The following WDR44 variants were observed in gnomAD, a reference collection of about 807,000 sequenced individuals.
WDR44 encodes WD repeat-containing protein 44.
In WDR44, 9 loss-of-function variants were observed where a neutral mutation model predicts 65.7. The observed-to-expected ratio is 0.14, with a 90% CI of 0.08 to 0.24. The LOEUF is 0.24. Among genes scored for constraint, WDR44 ranks in the 10% least tolerant of loss-of-function variants. The pLI, the probability that WDR44 is intolerant of heterozygous loss-of-function variation, is 1.00. For synonymous variants in WDR44, 220 were observed against 235.2 expected, an observed-to-expected ratio of 0.94 and a Z score of 0.59; for missense variants, 425 against 670.9, an observed-to-expected ratio of 0.63 and a Z score of 4.05.
intron 1 of WDR44, among the ~76,000 whole-genome samples, chrX:118,349,012 T>C (rs1391133087): frequency 8.9e-6 from 1 of 111,915 alleles, no homozygotes; most frequent in Non-Finnish European, 1.9e-5. Context: ...CTAAAATTAA[T>C]TTATTTCTTG....
Position 118,443,565 on chromosome X carries a change from A to G in WDR44, c.2390A>G (p.Asp797Gly). The change falls in exon 18 of 20, where the codon GAT becomes GGT. Residue 797 changes from aspartate to glycine, a missense_variant. Physicochemically the swap from Asp to Gly is moderately conservative, Grantham distance 94. Transcript: ENST00000254029. Reference sequence around the variant, plus strand: ...CCTTTCTCCCCAAAATTCAGCCATGATTTTACTTACCTCGTTAGTGGTTCA... The same window carrying G: ...CCTTTCTCCCCAAAATTCAGCCATGGTTTTACTTACCTCGTTAGTGGTTCA... ...SSQIKASFSHDFTYLVSGSED... is the reference protein window; with the variant it reads ...SSQIKASFSHGFTYLVSGSED... The G allele has an allele frequency of 8.3e-7, 1 of 1,208,938 alleles. No homozygotes were observed. The highest frequency in any genetic ancestry group is 1.1e-6 in the Non-Finnish European group (1 of 893,856).
At chrX:118,419,218 G>C (rs1199691280) in intron 12 of WDR44, among the ~76,000 whole-genome samples, 2 of 111,518 alleles carry the variant, frequency 1.8e-5, no homozygotes, top group Non-Finnish European at 3.8e-5. Flanking sequence ...AGTTCAAATT[G>C]TTACAAAGTT....
chrX:118,414,257 C>CTTTTT (rs565805780), intron 12 of WDR44, among the ~76,000 whole-genome samples: 3 of 46,672 alleles, frequency 6.4e-5, no homozygotes, highest in Admixed American at 2.5e-4. Flanking sequence ...CTTGCGATTG[C>CTTTTT]TTTTTTTTTT....
chrX:118,422,571 A>G (rs2057114455), intron 12 of WDR44, among the ~76,000 whole-genome samples: 1 of 110,176 alleles, frequency 9.1e-6, no homozygotes, highest in Non-Finnish European at 1.9e-5. Flanking sequence ...ATGTGCCTAT[A>G]ATCCCAGCTA....
At chrX:118,382,917 G>A (rs1486630843) in intron 2 of WDR44, among the ~76,000 whole-genome samples, 1 of 111,905 alleles carries the variant, frequency 8.9e-6, no homozygotes, top group Non-Finnish European at 1.9e-5. Context: ...CCAGAAGTAG[G>A]TAATGGACTG....
At chrX:118,444,287 C>A in intron 18 of WDR44, 73 bp from the exon 19 acceptor site, 1 of 1,067,520 alleles carries the variant, frequency 9.4e-7, no homozygotes, top group Non-Finnish European at 1.3e-6. Context: ...GGATATTTGG[C>A]ATATAACATA....
chrX:118,412,698 A>C (rs2057022083), intron 12 of WDR44, among the ~76,000 whole-genome samples: 1 of 111,713 alleles, frequency 9.0e-6, no homozygotes, highest in African/African-American at 3.3e-5. Context: ...ATGGTCACTC[A>C]TAGAAATATT....
At chrX:118,358,659 C>T (rs1467653535) in intron 1 of WDR44, among the ~76,000 whole-genome samples, 3 of 111,556 alleles carry the variant, frequency 2.7e-5, no homozygotes, top group Middle Eastern at 4.6e-3. Context: ...GAGCCGAGAT[C>T]GCACCACTGC....
In WDR44 at chrX:118,361,846, G is replaced by A. The variant is rs185928995; in HGVS notation, c.77+15266G>A. ...TACCACATGAGTGCTGAAGATCTGA[G>A]TTTAAAATTGGAAAAGGTGTTCCTA... On this transcript the variant is annotated intron_variant, in intron 1 of 19. Transcript: ENST00000254029. 6.2e-5 allele frequency among the ~76,000 whole-genome samples: 7 copies of A among 112,237 alleles called. No homozygotes were observed. In the Admixed American group the frequency reaches 6.6e-4, roughly 11 times the overall value.
chrX:118,361,922 A>G (rs2056515606), intron 1 of WDR44, among the ~76,000 whole-genome samples: 1 of 112,468 alleles, frequency 8.9e-6, no homozygotes, highest in Non-Finnish European at 1.9e-5. Flanking sequence ...CCACTTGCAG[A>G]AGCTATGAAA....
At chrX:118,424,265 TTA>T (rs368098490) in intron 12 of WDR44, among the ~76,000 whole-genome samples, 178 of 77,194 alleles carry the variant, frequency 2.3e-3, no homozygotes, top group African/African-American at 4.1e-3. Context: ...ACTTGTTATC[TTA>T]TATATATATA....
chrX:118,399,390 T>A (rs1446413177), intron 8 of WDR44, among the ~76,000 whole-genome samples: 2 of 111,983 alleles, frequency 1.8e-5, no homozygotes, highest in Non-Finnish European at 3.8e-5. Flanking sequence ...CCAAAGTGAA[T>A]TATCCACTTG....
chrX:118,409,680 G>T (rs1275306095), intron 11 of WDR44, 53 bp downstream of exon 11: 1 of 1,083,440 alleles, frequency 9.2e-7, no homozygotes, highest in East Asian at 3.2e-5. Context: ...TTACATTTTA[G>T]GTATACTGAT....
chrX:118,443,618 A>G lies in WDR44; in HGVS notation c.2443A>G (p.Thr815Ala). The change falls in exon 18 of 20, where the codon ACC (threonine) becomes GCC (alanine). Residue 815 changes from threonine (T) to alanine (A), a missense_variant. Physicochemically the swap from Thr to Ala is moderately conservative, Grantham distance 58 (BLOSUM62 0). Transcript: ENST00000254029. ...AGATAAGTATGTTTATATCTGGAGT[A>G]CCTACCATGACCTAAGCAAGTTTAC... ...SEDKYVYIWSTYHDLSKFTSV... is the reference protein window; with the variant it reads ...SEDKYVYIWSAYHDLSKFTSV... 8.3e-7 allele frequency: 1 copy of G among 1,209,453 alleles called. No homozygotes were observed. The highest frequency in any genetic ancestry group is 1.1e-6 in the Non-Finnish European group (1 of 893,644).
In WDR44 at chrX:118,392,811, A is replaced by G; in HGVS notation, c.366A>G (p.Gln122=). ...ATCAAGTACTACCGGAAGAATCCCAAAAGGCAGAGAGTCAGAATACATTTG... is the reference window on the plus strand; with the variant it reads ...ATCAAGTACTACCGGAAGAATCCCAGAAGGCAGAGAGTCAGAATACATTTG... ...AIDQVLPEES[Q]KAESQNTFEE... is the part of the protein sequence containing the mutation. The change falls in exon 4 of 20, where the codon CAA becomes CAG. Residue 122 remains glutamine (Q), a synonymous_variant. Coordinates refer to ENST00000254029, the MANE Select transcript of WDR44 (RefSeq NM_019045.5). 2 of 1,212,085 alleles carry G rather than the reference A, an allele frequency of 1.7e-6. No homozygotes were observed. Among genetic ancestry groups the G allele is most frequent in the South Asian group, 1.8e-5 (1 of 57,025 alleles).
At chrX:118,407,906 T>C (rs763391437) in intron 10 of WDR44, among the ~76,000 whole-genome samples, 153 of 112,449 alleles carry the variant, frequency 1.4e-3, no homozygotes, top group Non-Finnish European at 2.2e-3. Context: ...ATTTTAAGTC[T>C]AAAAGTTGGC....
At chrX:118,407,726 A>C (rs1235331798) in intron 10 of WDR44, among the ~76,000 whole-genome samples, 4 of 112,119 alleles carry the variant, frequency 3.6e-5, no homozygotes, top group Non-Finnish European at 5.6e-5. Flanking sequence ...AAACAAGGAG[A>C]GAGGTAAAAG....
rs1197666719 is a variant in WDR44 at position 118,362,812 on chromosome X, ACACT to A, written c.78-15604_78-15601del. 2.8e-5 allele frequency among the ~76,000 whole-genome samples: 3 copies of A among 107,521 alleles called. No homozygotes were observed. The Admixed American group carries it at 3.0e-4, about 11-fold the overall frequency. The allele number at this position is 107,521 out of a possible 115,157, so 93.4% of individuals were successfully genotyped here. A position where few individuals can be genotyped will look rare whatever the true frequency, so the allele number is the denominator to read the frequency against. On this transcript the variant is annotated intron_variant, in intron 1 of 19. Coordinates refer to ENST00000254029, the MANE Select transcript of WDR44 (RefSeq NM_019045.5). ...GTAGAGTTGCTGGATAAAGTACAAG[ACACT>A]CAGTTCAATTCCAATTTCAGATAAA...
chrX:118,425,892 G>A (rs941318425), intron 12 of WDR44, among the ~76,000 whole-genome samples: 1 of 110,422 alleles, frequency 9.1e-6, no homozygotes, highest in Non-Finnish European at 1.9e-5. Flanking sequence ...GGCCAACATG[G>A]TGAAACCCCA....
Sources: allele counts gnomAD v4.1 joint callset (sites outside exome capture counted in the v4.1 genomes callset), GRCh38; gene constraint gnomAD v4.1.1; transcripts MANE v1.5; gene names NCBI Gene and HGNC (gene_info 2026-07-23, HGNC 2026-07-21).